The following GGA2 variants were observed in gnomAD, a reference collection of about 807,000 sequenced individuals.
GGA2 encodes the protein golgi associated, gamma adaptin ear containing, ARF binding protein 2, also known as ADP-ribosylation factor-binding protein GGA2.
A neutral mutation model predicts 79.5 loss-of-function variants in GGA2; 48 were observed. The observed-to-expected ratio is 0.60, with a 90% confidence interval of 0.48 to 0.77. GGA2 has a LOEUF of 0.77. Ranked by LOEUF, GGA2 falls within the 30% of genes least tolerant of loss-of-function variation. The probability of loss-of-function intolerance (pLI) is 0.00; values close to 1 mark genes in which losing one functional copy is unlikely to be tolerated. For missense variants in GGA2, 770 were observed against 774.0 expected (o/e 0.99, Z 0.06); for synonymous variants, 317 against 302.0 (o/e 1.05, Z -0.51).
chr16:23,498,798 C>T (rs1964886554), intron 1 of GGA2, among the ~76,000 whole-genome samples: 1 of 152,218 alleles, frequency 6.6e-6, no homozygotes, highest in African/African-American at 2.4e-5. Context: ...ATCTTCCCTA[C>T]AGTGCCTTAC....
rs141154774 is a variant in GGA2, at chr16:23,488,407, A to G, written c.579+199T>C. On this transcript the variant is annotated intron_variant, in intron 6 of 16. Coordinates refer to ENST00000309859, the MANE Select transcript of GGA2 (RefSeq NM_015044.4). ...TCTGCCTAAGAACCAGGCTGAATCAAAACAGACTGGCCCTTATTAGTTGAC... is the reference window on the plus strand; with the variant it reads ...TCTGCCTAAGAACCAGGCTGAATCAGAACAGACTGGCCCTTATTAGTTGAC... Among the ~76,000 whole-genome samples the G allele has an allele frequency of 2.0e-5, 3 of 152,316 alleles. No individual in the cohort carries two copies. In the East Asian group the frequency reaches 5.8e-4, roughly 29 times the overall value.
At chr16:23,473,904 T>G (rs1964545620) in intron 14 of GGA2, among the ~76,000 whole-genome samples, 1 of 152,224 alleles carries the variant, frequency 6.6e-6, no homozygotes, top group Non-Finnish European at 1.5e-5. Flanking sequence ...TTATCAACTC[T>G]GTTTATTTAT....
At chr16:23,509,673 C>T (rs1410404879) in intron 1 of GGA2, among the ~76,000 whole-genome samples, 1 of 151,298 alleles carries the variant, frequency 6.6e-6, no homozygotes, top group African/African-American at 2.4e-5. Context: ...CAGAAGAATT[C>T]TGGCCAAAGG....
intron 5 of GGA2, among the ~76,000 whole-genome samples, chr16:23,489,652 T>C (rs564537392): frequency 4.6e-5 from 7 of 152,124 alleles, no homozygotes; most frequent in Non-Finnish European, 8.8e-5. Flanking sequence ...ATACCAATAG[T>C]AACAACTAAG....
chr16:23,517,851 G>A (rs8044139), intron 2 of GGA2, among the ~76,000 whole-genome samples: 12,476 of 151,940 alleles, frequency 0.082, 906 homozygotes, highest in African/African-American at 0.19. Flanking sequence ...TGCCTGCCTC[G>A]GCCTCCCAAA....
At chr16:23,491,846 G>A in intron 4 of GGA2, 46 bp from the exon 5 acceptor site, 1 of 1,369,728 alleles carries the variant, frequency 7.3e-7, no homozygotes, top group Non-Finnish European at 1.0e-6. Flanking sequence ...AAGGGACTTG[G>A]GAGACCGACA....
At chr16:23,516,470 T>C (rs1254435702) in intron 2 of GGA2, among the ~76,000 whole-genome samples, 4 of 152,124 alleles carry the variant, frequency 2.6e-5, no homozygotes, top group African/African-American at 9.7e-5. Context: ...CCCTTTTCTG[T>C]GCCTCATTTT....
chr16:23,500,164 A>G (rs1964904977), intron 1 of GGA2, among the ~76,000 whole-genome samples: 1 of 152,186 alleles, frequency 6.6e-6, no homozygotes. Flanking sequence ...AGCTCAGGGG[A>G]GGCAGCTGAG....
intron 4 of GGA2, 118 bp from the exon 5 acceptor site, chr16:23,491,918 G>A (rs1375901371): frequency 1.6e-6 from 1 of 640,294 alleles, no homozygotes. Flanking sequence ...CGGTATGAGT[G>A]TGAGGAGAGA....
In GGA2 at chr16:23,467,256, A is replaced by C. The variant is rs59721453; in HGVS notation, c.*334T>G. ...AACACTTTGGCTGATAAAACCTCCA[A>C]CCTGAGGCAGGGACAGTGTCGCTCG... is the stretch of plus-strand genomic sequence containing the variant. On this transcript the variant is annotated 3_prime_UTR_variant, in exon 17 of 17. Transcript: ENST00000309859. 9.9e-3 allele frequency: 2,350 copies of C among 238,252 alleles called. 57 individuals carry two copies. The highest frequency in any genetic ancestry group is 0.051 in the African/African-American group (2,254 of 44,558). 14.8% of individuals were successfully genotyped at this position (238,252 alleles called of 1,614,324 possible).
chr16:23,501,236 A>G (rs1451344060), intron 1 of GGA2: 1 of 451,976 alleles, frequency 2.2e-6, no homozygotes, highest in Non-Finnish European at 4.4e-6. Flanking sequence ...TTTGGTGTAC[A>G]TCGAACGACT....
intron 9 of GGA2, among the ~76,000 whole-genome samples, chr16:23,481,954 C>G (rs572752879): frequency 6.6e-6 from 1 of 151,928 alleles, no homozygotes; most frequent in African/African-American, 2.4e-5. Context: ...TGAACACTGA[C>G]TGAATCTTTG....
At chr16:23,484,170 G>A (rs1964683692) in intron 8 of GGA2, among the ~76,000 whole-genome samples, 1 of 151,434 alleles carries the variant, frequency 6.6e-6, no homozygotes, top group Non-Finnish European at 1.5e-5. Context: ...CACTTTGGGA[G>A]GCTGAGACGG....
At chr16:23,488,214 C>T (rs1297563269) in intron 6 of GGA2, among the ~76,000 whole-genome samples, 1 of 152,088 alleles carries the variant, frequency 6.6e-6, no homozygotes, top group Non-Finnish European at 1.5e-5. Flanking sequence ...ACCCACACTC[C>T]CCACGGGCTA....
chr16:23,474,505 G>A (rs1250251017), intron 14 of GGA2, among the ~76,000 whole-genome samples: 1 of 152,048 alleles, frequency 6.6e-6, no homozygotes, highest in Admixed American at 6.6e-5. Context: ...TTACAGGCAT[G>A]CACCACCATG....
intron 2 of GGA2, 64 bp from the exon 3 acceptor site, chr16:23,494,442 G>T: frequency 9.8e-7 from 1 of 1,021,020 alleles, no homozygotes; most frequent in East Asian, 2.4e-5. Context: ...GAGTGGCTGA[G>T]CATGCTCAGT....
At chr16:23,513,069 G>A (rs141678135), upstream of GGA2, among the ~76,000 whole-genome samples, 97 of 152,170 alleles carry the variant, frequency 6.4e-4, no homozygotes, top group Middle Eastern at 3.4e-3. Flanking sequence ...CACTGGACCC[G>A]GCTTTCCACA....
chr16:23,480,824 G>A, intron 9 of GGA2, 54 bp from the exon 10 acceptor site: 1 of 1,563,350 alleles, frequency 6.4e-7, no homozygotes, highest in East Asian at 2.3e-5. Context: ...AACAATCTCA[G>A]TCTTTTCTAA....
chr16:23,514,953 T>C (rs1272952546), upstream of GGA2, among the ~76,000 whole-genome samples: 1 of 152,096 alleles, frequency 6.6e-6, no homozygotes, highest in Non-Finnish European at 1.5e-5. Context: ...GTAATAGATC[T>C]CCATCTGACA....
Sources: gnomAD v4.1 joint callset for allele counts (sites outside exome capture counted in the v4.1 genomes callset) on GRCh38, gnomAD v4.1.1 for gene constraint, MANE v1.5 for transcripts, NCBI Gene and HGNC (gene_info 2026-07-23, HGNC 2026-07-21) for gene names.